The following DDX10 variants were observed in gnomAD, a reference collection of about 807,000 sequenced individuals.
The protein encoded by DDX10 is probable ATP-dependent RNA helicase DDX10.
DDX10 carries 74 observed loss-of-function variants against 104.3 expected under a neutral mutation model. That is an observed-to-expected ratio of 0.71 (90% CI 0.59 to 0.86). DDX10 has a LOEUF of 0.86. DDX10 is among the 40% of genes least tolerant of loss of function. DDX10 has a pLI of 0.00. For synonymous variants in DDX10, 351 were observed against 353.4 expected (o/e 0.99, Z 0.08); for missense variants, 952 against 1,040.0 (o/e 0.92, Z 1.16).
chr11:108,920,392 T>G (rs1863807262), intron 17 of DDX10: 1 of 152,174 alleles, frequency 6.6e-6, no homozygotes, highest in Non-Finnish European at 1.5e-5. Context: ...CTGACAGAAA[T>G]TGTCTTTTGT....
At chr11:108,890,376 A>G (rs1286027142) in intron 16 of DDX10, among the ~76,000 whole-genome samples, 5 of 152,166 alleles carry the variant, frequency 3.3e-5, no homozygotes, top group African/African-American at 4.8e-5. Flanking sequence ...TGGGAATAAC[A>G]AATGGTGTCT....
intron 13 of DDX10, among the ~76,000 whole-genome samples, chr11:108,730,519 A>T (rs2094310737): frequency 1.3e-5 from 2 of 152,226 alleles, no homozygotes; most frequent in Non-Finnish European, 2.9e-5. Flanking sequence ...GGAGTGAATT[A>T]ACTGAATTTC....
At chr11:108,837,570 C>T (rs1169297649) in intron 13 of DDX10, among the ~76,000 whole-genome samples, 4 of 131,948 alleles carry the variant, frequency 3.0e-5, no homozygotes. Flanking sequence ...TCAGTACTTC[C>T]TGTTAAGTGT....
intron 13 of DDX10, among the ~76,000 whole-genome samples, chr11:108,819,240 T>C (rs1187496845): frequency 6.6e-6 from 1 of 152,218 alleles, no homozygotes; most frequent in South Asian, 2.1e-4. Context: ...AGAACTCTTA[T>C]TACCTTTCCT....
chr11:108,770,348 AG>A (rs1383950988), intron 13 of DDX10, among the ~76,000 whole-genome samples: 1 of 152,174 alleles, frequency 6.6e-6, no homozygotes, highest in Admixed American at 6.5e-5. Flanking sequence ...TATTCACTAT[AG>A]TCACCCTATT....
At chr11:108,903,428 T>C (rs761802258) in intron 16 of DDX10, among the ~76,000 whole-genome samples, 2 of 152,166 alleles carry the variant, frequency 1.3e-5, no homozygotes, top group Non-Finnish European at 2.9e-5. Context: ...TGGCTTTCCA[T>C]ATCTGTGAGT....
At chr11:108,827,109 T>G (rs1862406045) in intron 13 of DDX10, among the ~76,000 whole-genome samples, 1 of 152,230 alleles carries the variant, frequency 6.6e-6, no homozygotes, top group Admixed American at 6.5e-5. Flanking sequence ...ATTAAAAATT[T>G]GTAGGAACAA....
chr11:108,675,766 A>G (rs781467242), intron 3 of DDX10, 40 bp downstream of exon 3: 7 of 1,603,690 alleles, frequency 4.4e-6, no homozygotes, highest in East Asian at 4.5e-5. Flanking sequence ...CTGTTATACA[A>G]TTTTATAACA....
chr11:108,792,711 A>G (rs1861887843), intron 13 of DDX10, among the ~76,000 whole-genome samples: 1 of 151,946 alleles, frequency 6.6e-6, no homozygotes, highest in African/African-American at 2.4e-5. Context: ...CTTTTTTTCA[A>G]AGTTTTTCTG....
At chr11:108,900,274 C>G (rs1332098647) in intron 16 of DDX10, among the ~76,000 whole-genome samples, 2 of 152,132 alleles carry the variant, frequency 1.3e-5, no homozygotes, top group African/African-American at 2.4e-5. Flanking sequence ...CCAATTAAAC[C>G]TCTTTTCTTA....
intron 1 of DDX10, among the ~76,000 whole-genome samples, chr11:108,673,023 A>T (rs188816742): frequency 3.9e-5 from 6 of 152,340 alleles, no homozygotes; most frequent in African/African-American, 1.4e-4. Context: ...ATATTTCTCC[A>T]ACTAATTTCA....
chr11:108,767,557 A>G (rs929608708), intron 13 of DDX10, among the ~76,000 whole-genome samples: 4 of 152,176 alleles, frequency 2.6e-5, no homozygotes, highest in Non-Finnish European at 5.9e-5. Context: ...GATGTGCTTT[A>G]TGCCCTAGCA....
intron 2 of DDX10, among the ~76,000 whole-genome samples, chr11:108,674,558 T>A (rs1591787438): frequency 1.3e-5 from 2 of 151,676 alleles, no homozygotes; most frequent in South Asian, 4.2e-4. Context: ...TCACCCAGGG[T>A]GCAGTGCAGT....
chr11:108,732,596 G>A (rs779571057), intron 13 of DDX10, among the ~76,000 whole-genome samples: 5 of 152,190 alleles, frequency 3.3e-5, no homozygotes, highest in Admixed American at 1.3e-4. Flanking sequence ...TCTGTTTGAC[G>A]AGATCGATGC....
chr11:108,684,731 G>A (rs1361133840), intron 6 of DDX10, among the ~76,000 whole-genome samples: 1 of 145,088 alleles, frequency 6.9e-6, no homozygotes, highest in Non-Finnish European at 1.5e-5. Flanking sequence ...TGGGATGGCT[G>A]GGTCAAATGG....
chr11:108,930,984 C>T (rs1332354908), intron 17 of DDX10, among the ~76,000 whole-genome samples: 1 of 152,158 alleles, frequency 6.6e-6, no homozygotes, highest in East Asian at 1.9e-4. Context: ...AGGACCTTAA[C>T]CTAACAGGGA....
At position 108,844,971 on chromosome 11, in the gene DDX10, C is replaced by T. The variant is rs933035814; in HGVS notation, c.2247+3495C>T. Reference sequence around the variant, plus strand: ...CAGCACTTTGGGAGGCCGAGGTGGGCAGATCACAAGGTCAGGAGATCGAGA... The same window carrying T: ...CAGCACTTTGGGAGGCCGAGGTGGGTAGATCACAAGGTCAGGAGATCGAGA... On this transcript the variant is annotated intron_variant, in intron 15 of 17. Transcript: ENST00000322536. Among the ~76,000 whole-genome samples the T allele has an allele frequency of 1.2e-3, 177 of 151,968 alleles. 2 individuals carry two copies. The highest frequency in any genetic ancestry group is 0.011 in the Admixed American group (170 of 15,244).
At chr11:108,866,859 A>G (rs1863013738) in intron 16 of DDX10, among the ~76,000 whole-genome samples, 1 of 152,204 alleles carries the variant, frequency 6.6e-6, no homozygotes, top group Admixed American at 6.5e-5. Flanking sequence ...TCTGTAAGGC[A>G]GGTCAGTAAA....
At chr11:108,833,597 G>T (rs188723727) in intron 13 of DDX10, among the ~76,000 whole-genome samples, 92 of 152,282 alleles carry the variant, frequency 6.0e-4, no homozygotes, top group African/African-American at 2.2e-3. Flanking sequence ...ACTTCTTCAG[G>T]GGGGCAGGAC....
Sources: gnomAD v4.1 joint callset for allele counts (sites outside exome capture counted in the v4.1 genomes callset) on GRCh38, gnomAD v4.1.1 for gene constraint, MANE v1.5 for transcripts, NCBI Gene and HGNC (gene_info 2026-07-23, HGNC 2026-07-21) for gene names.